CASD1: variants seen among roughly 807,000 people sequenced by gnomAD.
CASD1 encodes the protein N-acetylneuraminate (7)9-O-acetyltransferase.
In CASD1, 41 loss-of-function variants were observed where a neutral mutation model predicts 100.0. That is an observed-to-expected ratio of 0.41 (90% CI 0.32 to 0.53). CASD1 has a LOEUF of 0.53. CASD1 is among the 20% of genes least tolerant of loss of function. The pLI is 0.25. For synonymous variants in CASD1, 321 were observed against 315.6 expected (o/e 1.02, Z -0.18); for missense variants, 774 against 948.7 (o/e 0.82, Z 2.42).
At chr7:94,546,522 T>G (rs1795689892) in intron 12 of CASD1, among the ~76,000 whole-genome samples, 1 of 152,014 alleles carries the variant, frequency 6.6e-6, no homozygotes. Context: ...CTAGCCTCTA[T>G]TAAAGTCCAG....
the CASD1 span, chr7:94,628,877 A>G: frequency 6.3e-6 from 1 of 158,652 alleles, no homozygotes; most frequent in African/African-American, 2.4e-5. Flanking sequence ...TATTAATCAC[A>G]AGCAATAATA....
chr7:94,600,704 C>T, the CASD1 span: 1 of 1,613,878 alleles, frequency 6.2e-7, no homozygotes, highest in South Asian at 1.1e-5. Context: ...ACCAGTGCCA[C>T]TGCCGAGGGC....
rs758661663 is a variant in CASD1, at chr7:94,533,688, A to G, written c.514A>G (p.Lys172Glu). 6.3e-7 allele frequency: 1 copy of G among 1,596,986 alleles called. No individual in the cohort carries two copies. Among genetic ancestry groups the G allele is most frequent in the South Asian group, 1.1e-5 (1 of 87,964 alleles). ...IVAGAATWSIKIHNGSSEALS... is the reference protein window; with the variant it reads ...IVAGAATWSIEIHNGSSEALS... ...TTGTACTTCTTTTTAGTGGTCCATC[A>G]AGATTCACAATGGTAGCAGTGAAGC... Residue 172 changes from lysine (K) to glutamate (E), a missense_variant, in exon 7 of 18, where the codon AAG becomes GAG. By Grantham distance (56) the Lys-to-Glu change is moderately conservative (BLOSUM62 1). This residue lies in a region of CASD1 where 453 missense variants were observed against 532.6 expected (regional missense o/e 0.85). Coordinates refer to ENST00000297273, the MANE Select transcript of CASD1 (RefSeq NM_022900.5).
At chr7:94,569,261 G>A in the CASD1 span, among the ~76,000 whole-genome samples, 26 of 152,106 alleles carry the variant, frequency 1.7e-4, no homozygotes, top group Non-Finnish European at 2.9e-4. Flanking sequence ...AGTATTACTT[G>A]TAATTGTAAT....
the CASD1 span, chr7:94,623,746 A>C: frequency 1.0e-5 from 4 of 397,216 alleles, 1 homozygote; most frequent in South Asian, 3.8e-4. Context: ...TCAAAAAAAA[A>C]ACAATAATTT....
chr7:94,542,504 A>G (rs930631409), intron 10 of CASD1, among the ~76,000 whole-genome samples: 2 of 152,236 alleles, frequency 1.3e-5, no homozygotes, highest in African/African-American at 4.8e-5. Flanking sequence ...AATTAATTTC[A>G]CCTGTTTCTT....
the CASD1 span, chr7:94,600,708 C>T: frequency 2.1e-4 from 341 of 1,613,836 alleles, no homozygotes; most frequent in South Asian, 2.5e-4. Flanking sequence ...GTGCCACTGC[C>T]GAGGGCACAG....
chr7:94,542,356 G>T (rs1422511439), intron 10 of CASD1, among the ~76,000 whole-genome samples: 3 of 152,154 alleles, frequency 2.0e-5, no homozygotes, highest in Non-Finnish European at 4.4e-5. Flanking sequence ...TGTGCTGTAA[G>T]TGTGAAATGT....
chr7:94,536,402 A>G (rs1795122089), intron 8 of CASD1, among the ~76,000 whole-genome samples: 1 of 152,174 alleles, frequency 6.6e-6, no homozygotes, highest in Non-Finnish European at 1.5e-5. Context: ...AGTGGAACAA[A>G]TTATTTTAAG....
At chr7:94,529,199 A>G (rs1396851787) in intron 5 of CASD1, among the ~76,000 whole-genome samples, 2 of 152,172 alleles carry the variant, frequency 1.3e-5, no homozygotes, top group Non-Finnish European at 2.9e-5. Flanking sequence ...TTCCATGTAT[A>G]TTTGAAATTA....
intron 3 of CASD1, among the ~76,000 whole-genome samples, chr7:94,521,008 C>T (rs776244257): frequency 2.6e-5 from 4 of 152,092 alleles, no homozygotes; most frequent in Non-Finnish European, 4.4e-5. Context: ...AGGAGAATCA[C>T]TTGAACCCAG....
At chr7:94,586,673 T>G in the CASD1 span, 4 of 192,018 alleles carry the variant, frequency 2.1e-5, no homozygotes, top group Non-Finnish European at 3.8e-5. Context: ...CTAATTTTTG[T>G]ATTTTTTTAG....
intron 10 of CASD1, among the ~76,000 whole-genome samples, chr7:94,539,689 AAAG>A (rs1404071628): frequency 6.6e-6 from 1 of 151,882 alleles, no homozygotes; most frequent in Non-Finnish European, 1.5e-5. Context: ...AAAAAAGAAA[AAAG>A]GAAACTTTGA....
chr7:94,543,890 A>G (rs571720024), intron 10 of CASD1, among the ~76,000 whole-genome samples: 1 of 152,332 alleles, frequency 6.6e-6, no homozygotes, highest in East Asian at 1.9e-4. Flanking sequence ...AATGACATTA[A>G]GGGACTTGGT....
the CASD1 span, chr7:94,599,199 A>G: frequency 3.9e-5 from 18 of 461,448 alleles, no homozygotes; most frequent in Non-Finnish European, 6.1e-5. Context: ...AAACTAAGCT[A>G]TGAAGCATTG....
intron 9 of CASD1, among the ~76,000 whole-genome samples, chr7:94,538,627 C>A (rs1284161348): frequency 6.6e-6 from 1 of 151,808 alleles, no homozygotes; most frequent in African/African-American, 2.4e-5. Context: ...TTATAGAATG[C>A]CATTTTTAGA....
At chr7:94,531,578 T>C (rs1249712624) in intron 5 of CASD1, among the ~76,000 whole-genome samples, 1 of 152,176 alleles carries the variant, frequency 6.6e-6, no homozygotes, top group African/African-American at 2.4e-5. Flanking sequence ...TAAAATTTTG[T>C]ATCCACTGAA....
At position 94,551,322 on chromosome 7, in the gene CASD1, T is replaced by C. The variant is rs1469917735; in HGVS notation, c.1816-16T>C. 2 of 1,527,402 alleles carry C rather than the reference T, an allele frequency of 1.3e-6. No homozygotes were observed. Among genetic ancestry groups the C allele is most frequent in the South Asian group, 2.7e-5 (2 of 75,128 alleles). The allele number at this position is 1,527,402 out of a possible 1,614,324, so 94.6% of individuals were successfully genotyped here. ...AAGTAACTGTTTAAAACAAATTTTC[T>C]CTCTTTACTTTTCAGGTAGTTTTCC... is the stretch of plus-strand genomic sequence containing the variant. On this transcript the variant is annotated splice_polypyrimidine_tract_variant and intron_variant, in intron 14 of 17. Transcript: ENST00000297273.
chr7:94,534,636 A>G (rs1418102650), intron 7 of CASD1, among the ~76,000 whole-genome samples: 10 of 152,156 alleles, frequency 6.6e-5, no homozygotes, highest in Non-Finnish European at 1.0e-4. Flanking sequence ...GCCTAGCACA[A>G]TATGAAATGC....
Sources: allele counts gnomAD v4.1 joint callset (sites outside exome capture counted in the v4.1 genomes callset), GRCh38; gene constraint gnomAD v4.1.1; regional missense constraint gnomAD v4.1.1; transcripts MANE v1.5; gene names NCBI Gene and HGNC (gene_info 2026-07-23, HGNC 2026-07-21).